LOXL1: variants seen among roughly 807,000 people sequenced by gnomAD.
LOXL1 encodes lysyl oxidase like 1.
LOXL1 carries 31 observed loss-of-function variants against 62.2 expected under a neutral mutation model. The ratio of observed to expected loss-of-function variants is 0.50; its 90% CI spans 0.37 to 0.67. The LOEUF (loss-of-function observed/expected upper bound fraction) is 0.67. LOXL1 is among the 30% of genes least tolerant of loss of function. The pLI is 0.00. For synonymous variants in LOXL1, 403 were observed against 384.4 expected (o/e 1.05, Z -0.56); for missense variants, 775 against 843.4 (o/e 0.92, Z 1.00).
chr15:73,927,070 A>T lies in LOXL1; in HGVS notation c.287A>T (p.Gln96Leu). Residue 96 changes from glutamine to leucine, a missense_variant, in exon 1 of 7, where the codon CAG (glutamine) becomes CTG (leucine). By Grantham distance (113) the Gln-to-Leu change is moderately radical (BLOSUM62 -2). Coordinates refer to ENST00000261921, the MANE Select transcript of LOXL1 (RefSeq NM_005576.4). ...RRSHGSPRRRQAPSLPLPGRV... is the reference protein window; with the variant it reads ...RRSHGSPRRRLAPSLPLPGRV... The stretch of plus-strand genomic sequence containing the variant: ...AGCCACGGGAGCCCCCGGCGTCGGC[A>T]GGCGCCGTCCCTGCCCCTGCCGGGG... 1 of 1,314,010 alleles carries T rather than the reference A, an allele frequency of 7.6e-7. No homozygotes were observed. The highest frequency in any genetic ancestry group is 9.7e-7 in the Non-Finnish European group (1 of 1,026,676). 81.4% of individuals were successfully genotyped at this position (1,314,010 alleles called of 1,614,324 possible). A position where few individuals can be genotyped will look rare whatever the true frequency, so the allele number is the denominator to read the frequency against.
At position 73,942,899 on chromosome 15, in the gene LOXL1, C is replaced by T; in HGVS notation, c.1148C>T (p.Thr383Ile). Residue 383 changes from threonine to isoleucine, a missense_variant, in exon 2 of 7, where the codon ACT becomes ATT. Physicochemically the swap from Thr to Ile is moderately conservative, Grantham distance 89. Coordinates refer to ENST00000261921, the MANE Select transcript of LOXL1 (RefSeq NM_005576.4). Reference sequence around the variant, plus strand: ...GACCCCAACTATGTGCAAGCATCCACTTATGTGCAGAGAGCCCACCTGTAC... The same window carrying T: ...GACCCCAACTATGTGCAAGCATCCATTTATGTGCAGAGAGCCCACCTGTAC... ...VPDPNYVQAS[T>I]YVQRAHLYSL... 5 of 1,614,138 alleles carry T rather than the reference C, an allele frequency of 3.1e-6. No individual in the cohort carries two copies. Among genetic ancestry groups the T allele is most frequent in the Non-Finnish European group, 4.2e-6 (5 of 1,179,966 alleles).
At position 73,926,987 on chromosome 15, in the gene LOXL1, C is replaced by A. The variant is rs1223944469; in HGVS notation, c.204C>A (p.Arg68=). Residue 68 remains arginine (R), a synonymous_variant, in exon 1 of 7, where the codon CGC becomes CGA. Coordinates refer to ENST00000261921, the MANE Select transcript of LOXL1 (RefSeq NM_005576.4). The stretch of plus-strand genomic sequence containing the variant: ...AGTACGTGCCGGCCGGACCTCAGCG[C>A]TCCGAGAGTAGCTCCCGGGTGCTGC... ...GSEYVPAGPQ[R]SESSSRVLLA... is the part of the protein sequence containing the mutation. The A allele has an allele frequency of 2.0e-6, 3 of 1,492,402 alleles. No homozygotes were observed. Among genetic ancestry groups the A allele is most frequent in the Non-Finnish European group, 2.7e-6 (3 of 1,115,512 alleles). The allele number at this position is 1,492,402 out of a possible 1,614,324, so 92.4% of individuals were successfully genotyped here. A position where few individuals can be genotyped will look rare whatever the true frequency, so the allele number is the denominator to read the frequency against.
Position 73,927,315 on chromosome 15 carries a change from C to T in LOXL1, c.532C>T (p.Pro178Ser). 1 of 1,603,704 alleles carries T rather than the reference C, an allele frequency of 6.2e-7. No individual in the cohort carries two copies. Among genetic ancestry groups the T allele is most frequent in the Non-Finnish European group, 8.5e-7 (1 of 1,176,820 alleles). ...RQQPSYPQQF[P>S]YPQAPFVSQY... ...GCAGCCCTCCTACCCGCAGCAGTTC[C>T]CCTACCCGCAGGCGCCCTTCGTCAG... Residue 178 changes from proline to serine, a missense_variant, in exon 1 of 7, where the codon CCC becomes TCC. Pro to Ser is a moderately conservative substitution (Grantham distance 74). Coordinates refer to ENST00000261921, the MANE Select transcript of LOXL1 (RefSeq NM_005576.4).
chr15:73,949,128 T>G lies in LOXL1; in HGVS notation c.1603-331T>G, dbSNP rs555640572. On this transcript the variant is annotated intron_variant, in intron 5 of 6. Transcript: ENST00000261921. ...CCTTGGATTTGGGGAGACCAGGTGTTGAATCCTGGCTCAGCTCCTCATTAC... is the reference window on the plus strand; with the variant it reads ...CCTTGGATTTGGGGAGACCAGGTGTGGAATCCTGGCTCAGCTCCTCATTAC... Among the ~76,000 whole-genome samples, 8 of 152,322 alleles carry G rather than the reference T, an allele frequency of 5.3e-5. No homozygotes were observed. The East Asian group carries it at 1.5e-3, about 29-fold the overall frequency.
chr15:73,951,825 C>T lies in LOXL1; in HGVS notation c.1719-6C>T. 6.4e-7 allele frequency: 1 copy of T among 1,550,468 alleles called. No homozygotes were observed. The highest frequency in any genetic ancestry group is 1.2e-5 in the South Asian group (1 of 83,986). Reference sequence around the variant, plus strand: ...CCTCATTGACCCACTGTCTTTCCTTCCTCAGATCCTGATCTCCGGGAGGGA... The same window carrying T: ...CCTCATTGACCCACTGTCTTTCCTTTCTCAGATCCTGATCTCCGGGAGGGA... On this transcript the variant is annotated splice_polypyrimidine_tract_variant and splice_region_variant and intron_variant, in intron 6 of 6. Coordinates refer to ENST00000261921, the MANE Select transcript of LOXL1 (RefSeq NM_005576.4).
At position 73,932,014 on chromosome 15, in the gene LOXL1, G is replaced by A. The variant is rs149987727; in HGVS notation, c.1102+4129G>A. On this transcript the variant is annotated intron_variant, in intron 1 of 6. Transcript: ENST00000261921. ...CCTCCTGGTGTAGATGAGAAAACAG[G>A]CCTAGGGAGGTGGCACAGAAGGGTA... Among the ~76,000 whole-genome samples the A allele has an allele frequency of 4.6e-5, 7 of 152,030 alleles. No individual in the cohort carries two copies. The East Asian group carries it at 1.3e-3, about 29-fold the overall frequency.
chr15:73,947,169 C>T lies in LOXL1; in HGVS notation c.1452C>T (p.Asp484=). The change falls in exon 4 of 7, where the codon GAC becomes GAT. Residue 484 remains aspartate (D), a synonymous_variant. Transcript: ENST00000261921. ...EGHKASFCLE[D]STCDFGNLKR... is the part of the protein sequence containing the mutation. ...ACAAGGCCAGTTTCTGCCTGGAGGA[C>T]AGCACCTGTGACTTCGGCAACCTCA... 2 of 1,613,616 alleles carry T rather than the reference C, an allele frequency of 1.2e-6. No individual in the cohort carries two copies. Among genetic ancestry groups the T allele is most frequent in the African/African-American group, 1.3e-5 (1 of 75,070 alleles).
chr15:73,926,665 A>G lies in LOXL1; in HGVS notation c.-119A>G, dbSNP rs1167598394. ...CTCGGGACAAGGCCAGCATGGACAA[A>G]GCTAGAGCTGGGGCAAGCAAGGAGC... On this transcript the variant is annotated 5_prime_UTR_variant, in exon 1 of 7. Coordinates refer to ENST00000261921, the MANE Select transcript of LOXL1 (RefSeq NM_005576.4). The G allele has an allele frequency of 5.9e-6, 7 of 1,196,380 alleles. No individual in the cohort carries two copies. The highest frequency in any genetic ancestry group is 7.6e-6 in the Non-Finnish European group (7 of 915,618). 74.1% of individuals were successfully genotyped at this position (1,196,380 alleles called of 1,614,324 possible).
chr15:73,946,882 A>T (rs375108947), intron 3 of LOXL1, among the ~76,000 whole-genome samples, 185 bp from the exon 4 acceptor site: 5 of 152,232 alleles, frequency 3.3e-5, no homozygotes, highest in Non-Finnish European at 7.3e-5. Flanking sequence ...GCTGTCCTGG[A>T]GTGACCCAGC....
chr15:73,940,640 T>G (rs2068707454), intron 1 of LOXL1, among the ~76,000 whole-genome samples: 1 of 151,948 alleles, frequency 6.6e-6, no homozygotes, highest in African/African-American at 2.4e-5. Flanking sequence ...GTGATCAGGG[T>G]CAAGGCTCAG....
intron 1 of LOXL1, chr15:73,928,165 G>GGGA (rs2068605767): frequency 2.7e-6 from 1 of 370,650 alleles, no homozygotes; most frequent in African/African-American, 2.1e-5. Context: ...GCCGAGCTTT[G>GGGA]GGAGGAGGCT....
At chr15:73,937,213 C>G (rs968176239) in intron 1 of LOXL1, among the ~76,000 whole-genome samples, 1 of 152,214 alleles carries the variant, frequency 6.6e-6, no homozygotes, top group Non-Finnish European at 1.5e-5. Flanking sequence ...GGGCTTGTCC[C>G]GAGCACACAG....
At position 73,946,410 on chromosome 15, in the gene LOXL1, C is replaced by T; in HGVS notation, c.1212-7C>T. On this transcript the variant is annotated splice_region_variant and splice_polypyrimidine_tract_variant and intron_variant, in intron 2 of 6. Transcript: ENST00000261921. ...ACCCCCCCTCATCTCCCCCGCCGTC[C>T]CTGCAGCACAGCCTATGCCCCTGAG... 4 of 1,608,324 alleles carry T rather than the reference C, an allele frequency of 2.5e-6. No homozygotes were observed. Among genetic ancestry groups the T allele is most frequent in the Non-Finnish European group, 3.4e-6 (4 of 1,176,654 alleles).
Position 73,927,901 on chromosome 15 carries a change from G to T in LOXL1, c.1102+16G>T. The T allele has an allele frequency of 1.5e-6, 2 of 1,299,796 alleles. No homozygotes were observed. Among genetic ancestry groups the T allele is most frequent in the East Asian group, 6.3e-5 (2 of 31,990 alleles). 80.5% of individuals were successfully genotyped at this position (1,299,796 alleles called of 1,614,324 possible). A position where few individuals can be genotyped will look rare whatever the true frequency, so the allele number is the denominator to read the frequency against. On this transcript the variant is annotated intron_variant, in intron 1 of 6. Coordinates refer to ENST00000261921, the MANE Select transcript of LOXL1 (RefSeq NM_005576.4). ...AACGGCCGCGGTGAGTACGGCCCCG[G>T]CGCCCCTCCGGCCGCGCGTACCCCT...
rs1343689261 is a variant in LOXL1, at chr15:73,927,400, G to C, written c.617G>C (p.Arg206Pro). Reference protein sequence around the residue: ...RTYDQGFVYYRPAGGGVGAGA... With the variant: ...RTYDQGFVYYPPAGGGVGAGA... Reference sequence around the variant, plus strand: ...TACGACCAGGGTTTCGTGTACTACCGGCCCGCGGGCGGCGGCGTGGGCGCG... The same window carrying C: ...TACGACCAGGGTTTCGTGTACTACCCGCCCGCGGGCGGCGGCGTGGGCGCG... The change falls in exon 1 of 7, where the codon CGG (arginine) becomes CCG (proline). Residue 206 changes from arginine to proline, a missense_variant. Coordinates refer to ENST00000261921, the MANE Select transcript of LOXL1 (RefSeq NM_005576.4). The C allele has an allele frequency of 1.3e-6, 2 of 1,551,362 alleles. No homozygotes were observed. The highest frequency in any genetic ancestry group is 1.7e-6 in the Non-Finnish European group (2 of 1,150,742).
chr15:73,943,084 A>T lies in LOXL1; in HGVS notation c.1211+122A>T. 6 of 746,698 alleles carry T rather than the reference A, an allele frequency of 8.0e-6. No homozygotes were observed. The Admixed American group carries it at 8.2e-5, about 10-fold the overall frequency. The allele number at this position is 746,698 out of a possible 1,614,324, so 46.3% of individuals were successfully genotyped here. ...GCTGATGACCCTGGCCAAGTGCCCC[A>T]GCCTCCCAGGACCCTGACCGTTTCA... On this transcript the variant is annotated intron_variant, in intron 2 of 6. Coordinates refer to ENST00000261921, the MANE Select transcript of LOXL1 (RefSeq NM_005576.4).
chr15:73,946,241 G>A (rs2068746016), intron 2 of LOXL1, 176 bp from the exon 3 acceptor site: 3 of 590,126 alleles, frequency 5.1e-6, no homozygotes, highest in Non-Finnish European at 9.1e-6. Flanking sequence ...GAAGACAGAG[G>A]AAGAGGCCTG....
At chr15:73,940,487 G>A (rs1252662079) in intron 1 of LOXL1, among the ~76,000 whole-genome samples, 1 of 150,420 alleles carries the variant, frequency 6.6e-6, no homozygotes, top group African/African-American at 2.5e-5. Flanking sequence ...AAGAGCTTTA[G>A]TCCATCATCA....
chr15:73,951,372 G>C (rs113137562), intron 6 of LOXL1, among the ~76,000 whole-genome samples: 1 of 152,146 alleles, frequency 6.6e-6, no homozygotes. Flanking sequence ...TTATTAGAGT[G>C]TCTCAGTCTC....
Sources: gnomAD v4.1 joint callset for allele counts (sites outside exome capture counted in the v4.1 genomes callset) on GRCh38, gnomAD v4.1.1 for gene constraint, MANE v1.5 for transcripts, NCBI Gene and HGNC (gene_info 2026-07-23, HGNC 2026-07-21) for gene names.